Variants in DAAM1 observed in about 807,000 individuals in gnomAD.
DAAM1 encodes the protein disheveled-associated activator of morphogenesis 1.
DAAM1 carries 52 observed loss-of-function variants against 130.0 expected under a neutral mutation model. That is an observed-to-expected ratio of 0.40 (90% CI 0.32 to 0.50). The LOEUF is 0.50. DAAM1 is among the 20% of genes least tolerant of loss of function. The probability of loss-of-function intolerance (pLI) is 0.61; values close to 1 mark genes in which losing one functional copy is unlikely to be tolerated. For synonymous variants in DAAM1, 452 were observed against 444.5 expected (o/e 1.02, Z -0.21); for missense variants, 1,134 against 1,303.8 (o/e 0.87, Z 2.01).
intron 1 of DAAM1, among the ~76,000 whole-genome samples, chr14:59,221,736 T>C (rs185491203): frequency 3.3e-5 from 5 of 152,360 alleles, no homozygotes; most frequent in South Asian, 2.1e-4. Flanking sequence ...AACTCCTTTC[T>C]TGTCCTGCTG....
At chr14:59,302,759 T>G (rs1425147354) in intron 3 of DAAM1, among the ~76,000 whole-genome samples, 1 of 152,214 alleles carries the variant, frequency 6.6e-6, no homozygotes, top group East Asian at 1.9e-4. Context: ...GTTCATGTAA[T>G]TCTCCTGCCT....
intron 3 of DAAM1, among the ~76,000 whole-genome samples, chr14:59,296,306 A>C (rs1340303575): frequency 6.6e-6 from 1 of 152,188 alleles, no homozygotes; most frequent in Non-Finnish European, 1.5e-5. Flanking sequence ...TTGAAACAGT[A>C]AGAAATAACA....
intron 1 of DAAM1, among the ~76,000 whole-genome samples, chr14:59,218,691 A>G (rs970442670): frequency 6.6e-6 from 1 of 152,174 alleles, no homozygotes; most frequent in Admixed American, 6.5e-5. Context: ...TATGAGTTTC[A>G]TCTTATGTAG....
intron 1 of DAAM1, among the ~76,000 whole-genome samples, chr14:59,219,641 C>T (rs1888708583): frequency 6.6e-6 from 1 of 152,120 alleles, no homozygotes; most frequent in Admixed American, 6.5e-5. Flanking sequence ...ACTGGAATTT[C>T]TGCTTTCTAG....
intron 3 of DAAM1, among the ~76,000 whole-genome samples, chr14:59,310,169 G>A (rs941968303): frequency 3.3e-5 from 5 of 151,050 alleles, no homozygotes; most frequent in Non-Finnish European, 7.4e-5. Context: ...GGAGTGCAGT[G>A]GTGCGATCTC....
intron 1 of DAAM1, among the ~76,000 whole-genome samples, chr14:59,240,596 A>G (rs1276352022): frequency 6.6e-6 from 1 of 152,190 alleles, no homozygotes; most frequent in Non-Finnish European, 1.5e-5. Flanking sequence ...TTCTGCTTTT[A>G]TCTATGCTGG....
intron 1 of DAAM1, among the ~76,000 whole-genome samples, chr14:59,258,889 T>A (rs1882033367): frequency 6.6e-6 from 1 of 152,248 alleles, no homozygotes; most frequent in South Asian, 2.1e-4. Flanking sequence ...AATATTTTGG[T>A]ACTTATTGAA....
chr14:59,189,656 T>A (rs767643285), intron 1 of DAAM1, among the ~76,000 whole-genome samples: 1 of 152,110 alleles, frequency 6.6e-6, no homozygotes, highest in Non-Finnish European at 1.5e-5. Flanking sequence ...GAGGGCTGGA[T>A]AATCGGGTTT....
intron 2 of DAAM1, among the ~76,000 whole-genome samples, chr14:59,288,588 A>G (rs1266990020): frequency 1.3e-5 from 2 of 152,206 alleles, no homozygotes; most frequent in African/African-American, 4.8e-5. Context: ...AAAATGGGCA[A>G]AAGACATTAA....
chr14:59,199,508 A>G, intron 1 of DAAM1, among the ~76,000 whole-genome samples: 1 of 152,148 alleles, frequency 6.6e-6, no homozygotes, highest in East Asian at 1.9e-4. Flanking sequence ...AAGGAGTGAT[A>G]TTTTAGTGAG....
chr14:59,359,410 T>G lies in DAAM1; in HGVS notation c.2539T>G (p.Leu847Val). 6.2e-7 allele frequency: 1 copy of G among 1,612,282 alleles called. No individual in the cohort carries two copies. The highest frequency in any genetic ancestry group is 8.5e-7 in the Non-Finnish European group (1 of 1,178,514). Reference sequence around the variant, plus strand: ...CTTCAATTGTAGAAACATTACCCTTTTGCACTATCTCATCACTATTGTGGA... The same window carrying G: ...CTTCAATTGTAGAAACATTACCCTTGTGCACTATCTCATCACTATTGTGGA... ...KSSIDKNITL[L>V]HYLITIVENK... The change falls in exon 21 of 25, where the codon TTG (leucine) becomes GTG (valine). Residue 847 changes from leucine (L) to valine (V), a missense_variant. Leu to Val is a conservative substitution (Grantham distance 32). Around this residue, in one of 3 missense-constraint regions of DAAM1, gnomAD observed 644 missense variants for 695.9 expected, o/e 0.93. Coordinates refer to ENST00000360909, the MANE Select transcript of DAAM1 (RefSeq NM_001270520.2).
rs1194880993 is a variant in DAAM1, at chr14:59,325,673, C to G, written c.999C>G (p.Asp333Glu). 4 of 1,613,786 alleles carry G rather than the reference C, an allele frequency of 2.5e-6. No individual in the cohort carries two copies. The highest frequency in any genetic ancestry group is 1.7e-4 in the Middle Eastern group (1 of 5,978). Residue 333 changes from aspartate (D) to glutamate (E), a missense_variant, in exon 9 of 25, where the codon GAC (aspartate) becomes GAG (glutamate). Physicochemically the swap from Asp to Glu is conservative, Grantham distance 45 (BLOSUM62 2). Transcript: ENST00000360909. ...HENSTLDRHL[D>E]FFEMLRNEDE... ...TTTCATTATTTTTCAGGCATTTAGA[C>G]TTTTTTGAAATGCTCCGAAATGAAG...
At chr14:59,333,308 G>A (rs1313566194) in intron 15 of DAAM1, among the ~76,000 whole-genome samples, 1 of 152,024 alleles carries the variant, frequency 6.6e-6, no homozygotes, top group African/African-American at 2.4e-5. Flanking sequence ...AAGTAGAAAG[G>A]CAAACTTGGG....
chr14:59,344,777 G>C (rs1157380945), intron 16 of DAAM1, among the ~76,000 whole-genome samples: 1 of 152,136 alleles, frequency 6.6e-6, no homozygotes, highest in Non-Finnish European at 1.5e-5. Flanking sequence ...AATTTCAAAA[G>C]CAAGAAGTTC....
At chr14:59,192,109 C>T (rs1439286835) in intron 1 of DAAM1, among the ~76,000 whole-genome samples, 2 of 149,608 alleles carry the variant, frequency 1.3e-5, no homozygotes, top group African/African-American at 5.0e-5. Context: ...AATTTGAATC[C>T]TGGCTTTCTT....
intron 1 of DAAM1, among the ~76,000 whole-genome samples, chr14:59,204,643 G>A (rs1888206235): frequency 6.6e-6 from 1 of 152,154 alleles, no homozygotes; most frequent in African/African-American, 2.4e-5. Flanking sequence ...GGGTAATGGG[G>A]TATCATTTAA....
intron 3 of DAAM1, among the ~76,000 whole-genome samples, chr14:59,296,690 T>C (rs1376404296): frequency 6.6e-6 from 1 of 152,098 alleles, no homozygotes; most frequent in Non-Finnish European, 1.5e-5. Context: ...GCAGTGAGAG[T>C]TGATGTTGTG....
chr14:59,216,627 C>T (rs950241898), intron 1 of DAAM1, among the ~76,000 whole-genome samples: 4 of 151,430 alleles, frequency 2.6e-5, no homozygotes, highest in Admixed American at 6.6e-5. Context: ...AGGCTGAGGC[C>T]GGAGAATAGC....
chr14:59,359,840 A>C (rs1251767456), intron 21 of DAAM1, among the ~76,000 whole-genome samples: 1 of 152,264 alleles, frequency 6.6e-6, no homozygotes, highest in African/African-American at 2.4e-5. Context: ...TAATTTTCAC[A>C]TATGCACACA....
Sources: gnomAD v4.1 joint callset for allele counts (sites outside exome capture counted in the v4.1 genomes callset) on GRCh38, gnomAD v4.1.1 for gene constraint, gnomAD v4.1.1 regional missense constraint, MANE v1.5 for transcripts, NCBI Gene and HGNC (gene_info 2026-07-23, HGNC 2026-07-21) for gene names.